Variants in ARID5B observed in about 807,000 individuals in gnomAD.
ARID5B encodes the protein AT-rich interaction domain 5B, also known as AT-rich interactive domain-containing protein 5B.
In ARID5B, 13 loss-of-function variants were observed where a neutral mutation model predicts 97.2. The observed-to-expected ratio is 0.13, with a 90% CI of 0.09 to 0.21. The LOEUF is 0.21. Ranked by LOEUF, ARID5B falls within the 10% of genes least tolerant of loss-of-function variation. The probability of loss-of-function intolerance (pLI) is 1.00; values close to 1 mark genes in which losing one functional copy is unlikely to be tolerated. For synonymous variants in ARID5B, 556 were observed against 570.3 expected, an observed-to-expected ratio of 0.97 and a Z score of 0.36; for missense variants, 1,210 against 1,465.3, an observed-to-expected ratio of 0.83 and a Z score of 2.84.
intron 3 of ARID5B, among the ~76,000 whole-genome samples, chr10:61,968,449 C>T (rs1239140913): frequency 6.9e-6 from 1 of 144,058 alleles, no homozygotes; most frequent in Non-Finnish European, 1.5e-5. Context: ...TTTATGGATC[C>T]AAATTCGGCT....
At chr10:62,037,337 C>T (rs998232839) in intron 4 of ARID5B, among the ~76,000 whole-genome samples, 7 of 152,142 alleles carry the variant, frequency 4.6e-5, no homozygotes, top group African/African-American at 1.7e-4. Flanking sequence ...AGTTAGGGCC[C>T]TCACATGGTT....
At chr10:61,986,502 GAAACACTAACTTGTTGAGGTGAGCC>G (rs1838849124) in intron 3 of ARID5B, among the ~76,000 whole-genome samples, 1 of 152,148 alleles carries the variant, frequency 6.6e-6, no homozygotes. Context: ...TGTGATCAGG[GAAACACTAACTTGTTGAGGTGAGCC>G]ATGAATGACA....
At chr10:61,937,752 C>A (rs530205531) in intron 2 of ARID5B, among the ~76,000 whole-genome samples, 5 of 152,166 alleles carry the variant, frequency 3.3e-5, no homozygotes, top group Non-Finnish European at 7.4e-5. Flanking sequence ...GTATTAGGAA[C>A]TTTAGTCAGC....
chr10:62,062,252 A>G (rs1839930324), intron 7 of ARID5B, among the ~76,000 whole-genome samples: 1 of 152,230 alleles, frequency 6.6e-6, no homozygotes, highest in Admixed American at 6.5e-5. Context: ...ATGATCTGAT[A>G]TCAGAAACGA....
chr10:62,033,466 A>G (rs1022660006), intron 4 of ARID5B, among the ~76,000 whole-genome samples: 6 of 152,214 alleles, frequency 3.9e-5, no homozygotes, highest in African/African-American at 1.4e-4. Context: ...AAGACTTGTC[A>G]GCATAGACAA....
chr10:61,969,347 C>G (rs892893073), intron 3 of ARID5B, among the ~76,000 whole-genome samples: 1 of 152,000 alleles, frequency 6.6e-6, no homozygotes, highest in African/African-American at 2.4e-5. Flanking sequence ...GTGAGGTGGT[C>G]AAACAGGATA....
intron 4 of ARID5B, among the ~76,000 whole-genome samples, chr10:62,005,465 C>T (rs1368129652): frequency 3.3e-5 from 5 of 152,190 alleles, no homozygotes; most frequent in African/African-American, 9.6e-5. Context: ...CCAAAATGAT[C>T]TTGTTTTTCA....
chr10:62,057,393 T>C, intron 6 of ARID5B, 75 bp downstream of exon 6: 1 of 1,430,246 alleles, frequency 7.0e-7, no homozygotes, highest in Non-Finnish European at 9.7e-7. Flanking sequence ...TAATTTTGAC[T>C]CAGGATTATG....
intron 3 of ARID5B, among the ~76,000 whole-genome samples, chr10:61,945,273 T>G (rs993366946): frequency 6.6e-6 from 1 of 152,240 alleles, no homozygotes; most frequent in African/African-American, 2.4e-5. Context: ...TTTTTTGTTT[T>G]TTATTTTTTT....
chr10:61,932,151 G>T (rs76354289), intron 2 of ARID5B, among the ~76,000 whole-genome samples: 3 of 152,106 alleles, frequency 2.0e-5, no homozygotes, highest in Admixed American at 6.5e-5. Flanking sequence ...TTCCTAGCGC[G>T]TATAAAAGTT....
At chr10:62,084,418 T>A (rs1473566211) in intron 8 of ARID5B, among the ~76,000 whole-genome samples, 1 of 152,164 alleles carries the variant, frequency 6.6e-6, no homozygotes, top group African/African-American at 2.4e-5. Context: ...CCAAGGAAGT[T>A]TTTGCCTGGG....
At chr10:62,059,157 C>T (rs1242133381) in intron 6 of ARID5B, 86 bp from the exon 7 acceptor site, 36 of 1,093,410 alleles carry the variant, frequency 3.3e-5, no homozygotes, top group Admixed American at 3.1e-4. Context: ...TTCTCTTTCT[C>T]GTTGAAAAAA....
chr10:61,954,921 G>T (rs556033152), intron 3 of ARID5B, among the ~76,000 whole-genome samples: 5 of 151,616 alleles, frequency 3.3e-5, no homozygotes, highest in Non-Finnish European at 7.4e-5. Flanking sequence ...CAGGAGAATC[G>T]CTTGAACCTG....
chr10:62,069,685 T>A lies in ARID5B; in HGVS notation c.1102-15T>A. Reference sequence around the variant, plus strand: ...TTATGATGTAAGATTGAATTTCCCATTGCCATTTTTTCAGATAACAGCCCG... The same window carrying A: ...TTATGATGTAAGATTGAATTTCCCAATGCCATTTTTTCAGATAACAGCCCG... On this transcript the variant is annotated splice_polypyrimidine_tract_variant and intron_variant, in intron 7 of 9. Coordinates refer to ENST00000279873, the MANE Select transcript of ARID5B (RefSeq NM_032199.3). 1 of 1,610,584 alleles carries A rather than the reference T, an allele frequency of 6.2e-7. No homozygotes were observed. The highest frequency in any genetic ancestry group is 8.5e-7 in the Non-Finnish European group (1 of 1,176,812).
intron 9 of ARID5B, 46 bp downstream of exon 9, chr10:62,085,946 G>T (rs771975949): frequency 8.3e-6 from 13 of 1,574,580 alleles, no homozygotes; most frequent in South Asian, 1.2e-5. Flanking sequence ...GACATGTGCT[G>T]CCTCGAGGTC....
chr10:61,964,169 C>T (rs1183455368), intron 3 of ARID5B, among the ~76,000 whole-genome samples: 1 of 152,082 alleles, frequency 6.6e-6, no homozygotes. Flanking sequence ...ACGATAGCAG[C>T]CAGGGACCTC....
intron 8 of ARID5B, among the ~76,000 whole-genome samples, chr10:62,076,431 ACTC>A (rs1402489307): frequency 6.6e-6 from 1 of 151,878 alleles, no homozygotes; most frequent in African/African-American, 2.4e-5. Context: ...AATCCTGACT[ACTC>A]AGATGTCTGA....
At chr10:61,991,582 AG>A (rs1485415726) in intron 3 of ARID5B, among the ~76,000 whole-genome samples, 1 of 152,192 alleles carries the variant, frequency 6.6e-6, no homozygotes, top group African/African-American at 2.4e-5. Flanking sequence ...ATCCCTTATC[AG>A]GTATATGCTT....
chr10:62,063,787 G>A (rs1839952631), intron 7 of ARID5B, among the ~76,000 whole-genome samples: 1 of 152,206 alleles, frequency 6.6e-6, no homozygotes, highest in Admixed American at 6.5e-5. Flanking sequence ...ATTTGAAGAG[G>A]TAGAGCTGGA....
Sources: gnomAD v4.1 joint callset for allele counts (sites outside exome capture counted in the v4.1 genomes callset) on GRCh38, gnomAD v4.1.1 for gene constraint, MANE v1.5 for transcripts, NCBI Gene and HGNC (gene_info 2026-07-23, HGNC 2026-07-21) for gene names.